The following SOX6 variants were observed in gnomAD, a reference collection of about 807,000 sequenced individuals.
SOX6 encodes the protein SRY-box transcription factor 6.
SOX6 carries 11 observed loss-of-function variants against 97.8 expected under a neutral mutation model. The observed-to-expected ratio is 0.11, with a 90% CI of 0.07 to 0.19. SOX6 has a LOEUF of 0.19. Ranked by LOEUF, SOX6 falls within the 10% of genes least tolerant of loss-of-function variation. SOX6 has a pLI of 1.00. For missense variants in SOX6, 810 were observed against 1,039.5 expected (o/e 0.78, Z 3.04); for synonymous variants, 360 against 371.4 (o/e 0.97, Z 0.35).
intron 9 of SOX6, among the ~76,000 whole-genome samples, chr11:16,095,561 A>G (rs1046098114): frequency 6.6e-6 from 1 of 151,686 alleles, no homozygotes; most frequent in Non-Finnish European, 1.5e-5. Flanking sequence ...AAATAACTTA[A>G]CCTCTCCAAA....
At chr11:16,730,428 A>G (rs1848340819) in intron 2 of SOX6, among the ~76,000 whole-genome samples, 1 of 152,232 alleles carries the variant, frequency 6.6e-6, no homozygotes, top group African/African-American at 2.4e-5. Flanking sequence ...ATTAGAACTC[A>G]GGATTAAGAA....
chr11:16,735,783 TG>T (rs769191393), intron 2 of SOX6, among the ~76,000 whole-genome samples: 93 of 152,290 alleles, frequency 6.1e-4, no homozygotes, highest in Non-Finnish European at 1.2e-3. Flanking sequence ...TGGTACATGG[TG>T]GGTATTTAAT....
intron 4 of SOX6, among the ~76,000 whole-genome samples, chr11:16,553,443 C>T (rs1427796172): frequency 6.6e-6 from 1 of 152,150 alleles, no homozygotes; most frequent in African/African-American, 2.4e-5. Context: ...AGGTCATTGC[C>T]ATGGAAAGGA....
At chr11:16,014,738 G>T (rs144716515) in intron 13 of SOX6, among the ~76,000 whole-genome samples, 117 of 152,144 alleles carry the variant, frequency 7.7e-4, no homozygotes, top group Middle Eastern at 6.8e-3. Context: ...GGTAATGTAA[G>T]ATCTAACTGC....
At chr11:16,500,207 A>C (rs1485273566) in intron 4 of SOX6, among the ~76,000 whole-genome samples, 1 of 152,220 alleles carries the variant, frequency 6.6e-6, no homozygotes, top group Non-Finnish European at 1.5e-5. Flanking sequence ...CAATGACAAA[A>C]ACCAAATGAT....
At chr11:16,421,206 G>A (rs113731792) in intron 1 of SOX6, among the ~76,000 whole-genome samples, 76 of 152,086 alleles carry the variant, frequency 5.0e-4, no homozygotes, top group African/African-American at 1.6e-3. Flanking sequence ...AAAATACTTA[G>A]AAGAAATCAG....
intron 13 of SOX6, among the ~76,000 whole-genome samples, chr11:15,989,848 CA>C (rs1270424644): frequency 6.6e-6 from 1 of 152,108 alleles, no homozygotes; most frequent in Admixed American, 6.6e-5. Context: ...AAGGAGCTCA[CA>C]GTTCAGAGTA....
At chr11:16,368,446 C>T (rs1257079600) in intron 1 of SOX6, among the ~76,000 whole-genome samples, 1 of 152,070 alleles carries the variant, frequency 6.6e-6, no homozygotes, top group Non-Finnish European at 1.5e-5. Flanking sequence ...CTCACCACTG[C>T]ACTCCAGCCT....
At position 16,402,628 on chromosome 11, in the gene SOX6, A is replaced by C. The variant is rs374461358; in HGVS notation, c.-4-61376T>G. On this transcript the variant is annotated intron_variant, in intron 1 of 15. Transcript: ENST00000396356. ...GAAAGCAGACTGAAGTTACCCTTTC[A>C]TTTTTTTTAACAAAATACAAACTCT... 5 of 1,594,796 alleles carry C rather than the reference A, an allele frequency of 3.1e-6. No individual in the cohort carries two copies. The African/African-American group carries it at 6.7e-5, about 21-fold the overall frequency.
At chr11:16,570,440 T>C (rs1442838246) in intron 4 of SOX6, among the ~76,000 whole-genome samples, 1 of 152,188 alleles carries the variant, frequency 6.6e-6, no homozygotes, top group Non-Finnish European at 1.5e-5. Context: ...GTATTTTAAA[T>C]GTCCAACTAA....
chr11:16,269,017 G>A (rs796124510), intron 3 of SOX6, among the ~76,000 whole-genome samples: 15 of 146,170 alleles, frequency 1.0e-4, no homozygotes, highest in African/African-American at 3.5e-4. Flanking sequence ...ATTCACCTAT[G>A]TTTTCTTGCA....
At chr11:16,298,774 T>C (rs1420414519) in intron 3 of SOX6, among the ~76,000 whole-genome samples, 1 of 152,110 alleles carries the variant, frequency 6.6e-6, no homozygotes, top group Admixed American at 6.5e-5. Flanking sequence ...ATTATTCGTT[T>C]TGGCATCACT....
intron 3 of SOX6, among the ~76,000 whole-genome samples, chr11:16,713,798 A>G (rs1421597834): frequency 6.6e-6 from 1 of 152,000 alleles, no homozygotes; most frequent in Non-Finnish European, 1.5e-5. Context: ...AGCTCCTTCC[A>G]CTCCTGCAGA....
chr11:16,478,809 T>C (rs1448796256), upstream of SOX6, among the ~76,000 whole-genome samples: 2 of 152,192 alleles, frequency 1.3e-5, no homozygotes, highest in Non-Finnish European at 2.9e-5. Context: ...TAAAAAGACA[T>C]TTCCAAAAAC....
At chr11:16,553,068 C>T (rs1044044247) in intron 4 of SOX6, among the ~76,000 whole-genome samples, 5 of 152,124 alleles carry the variant, frequency 3.3e-5, no homozygotes, top group African/African-American at 1.2e-4. Context: ...AGGACCGAAA[C>T]ATGGACTTTA....
intron 3 of SOX6, among the ~76,000 whole-genome samples, chr11:16,640,387 T>C (rs1424265353): frequency 1.3e-5 from 2 of 152,226 alleles, no homozygotes; most frequent in African/African-American, 4.8e-5. Context: ...TTGTTGTGTC[T>C]CTGCCAGGCT....
intron 1 of SOX6, among the ~76,000 whole-genome samples, chr11:16,350,111 G>A (rs1027122714): frequency 1.3e-5 from 2 of 152,212 alleles, no homozygotes; most frequent in African/African-American, 4.8e-5. Flanking sequence ...AGGCTCTCCT[G>A]AGCTTGAATC....
intron 4 of SOX6, among the ~76,000 whole-genome samples, chr11:16,187,325 A>C (rs966371543): frequency 2.6e-5 from 4 of 152,162 alleles, no homozygotes; most frequent in African/African-American, 9.7e-5. Context: ...TTAATATTCT[A>C]TAATCACCTC....
At chr11:16,336,332 C>T (rs918952205) in intron 2 of SOX6, among the ~76,000 whole-genome samples, 1 of 152,092 alleles carries the variant, frequency 6.6e-6, no homozygotes, top group South Asian at 2.1e-4. Flanking sequence ...CATTTCTACT[C>T]GCTTCCCTCC....
Sources: allele counts gnomAD v4.1 joint callset (sites outside exome capture counted in the v4.1 genomes callset), GRCh38; gene constraint gnomAD v4.1.1; transcripts MANE v1.5; gene names NCBI Gene and HGNC (gene_info 2026-07-23, HGNC 2026-07-21).